Variants in COL7A1 observed in about 807,000 individuals in gnomAD.
COL7A1 encodes collagen alpha-1(VII) chain.
In COL7A1, 296 loss-of-function variants were observed where a neutral mutation model predicts 456.2. The observed-to-expected ratio is 0.65, with a 90% CI of 0.59 to 0.71. The LOEUF (loss-of-function observed/expected upper bound fraction) is 0.71. Among genes scored for constraint, COL7A1 ranks in the 30% least tolerant of loss-of-function variants. COL7A1 has a pLI of 0.00. For missense variants in COL7A1, 3,441 were observed against 4,017.2 expected (o/e 0.86, Z 3.88); for synonymous variants, 1,464 against 1,525.9 (o/e 0.96, Z 0.95).
Position 48,585,159 on chromosome 3 carries a change from A to G in COL7A1, c.3895-43T>C, listed in dbSNP as rs373808550. On this transcript the variant is annotated intron_variant, in intron 32 of 118. Coordinates refer to ENST00000681320, the MANE Select transcript of COL7A1 (RefSeq NM_000094.4). This position sits in a 1 kb window ranked among gnomAD's most constrained non-coding sequence, Gnocchi z 4.5. ...TCAGGACAGGAAGGGACCCTCCCCC[A>G]AGGCCCCTGGTTTGCTGGAGGGGCC... The G allele has an allele frequency of 8.8e-6, 14 of 1,597,636 alleles. No individual in the cohort carries two copies. In the African/African-American group the frequency reaches 1.9e-4, roughly 21 times the overall value.
chr3:48,586,748 C>G lies in COL7A1; in HGVS notation c.3277-59G>C, dbSNP rs2045294588. On this transcript the variant is annotated intron_variant, in intron 25 of 118. Coordinates refer to ENST00000681320, the MANE Select transcript of COL7A1 (RefSeq NM_000094.4). This position sits in a 1 kb window ranked among gnomAD's most constrained non-coding sequence, Gnocchi z 5.1. ...ATGACAGAGCAGGGATGGGGGTGCACAGAGCCTGGAGAAACACATCAGGGT... is the reference window on the plus strand; with the variant it reads ...ATGACAGAGCAGGGATGGGGGTGCAGAGAGCCTGGAGAAACACATCAGGGT... The G allele has an allele frequency of 6.5e-7, 1 of 1,547,316 alleles. No homozygotes were observed. The highest frequency in any genetic ancestry group is 1.4e-5 in the African/African-American group (1 of 73,146).
rs778731762 is a variant in COL7A1, at chr3:48,574,790, C to T, written c.6348+7G>A. On this transcript the variant is annotated splice_region_variant and intron_variant, in intron 77 of 118. Transcript: ENST00000681320. The surrounding 1 kb of genome is among the most constrained non-coding windows in gnomAD (Gnocchi z 5.0). ...AGGGTGGCCCCGAGCTGATTCCACA[C>T]ACTGACCTTAGCACCCTTGAGTCCA... The T allele has an allele frequency of 1.2e-6, 2 of 1,613,924 alleles. No individual in the cohort carries two copies. Among genetic ancestry groups the T allele is most frequent in the South Asian group, 1.1e-5 (1 of 91,090 alleles).
chr3:48,569,609 C>A lies in COL7A1; in HGVS notation c.7597G>T (p.Gly2533Cys). The A allele has an allele frequency of 6.2e-7, 1 of 1,613,816 alleles. No homozygotes were observed. Among genetic ancestry groups the A allele is most frequent in the Non-Finnish European group, 8.5e-7 (1 of 1,179,854 alleles). The part of the protein sequence containing the change: ...AVILGPPGPR[G>C]AKGDMGERGP... ...CCACTCACCATGTCCCCCTTGGCAC[C>A]CCGTGGGCCTGGAGGCCCCAGGATC... Residue 2533 changes from glycine (G) to cysteine (C), a missense_variant, in exon 102 of 119, where the codon GGT becomes TGT. Coordinates refer to ENST00000681320, the MANE Select transcript of COL7A1 (RefSeq NM_000094.4). This position sits in a 1 kb window ranked among gnomAD's most constrained non-coding sequence, Gnocchi z 4.9.
chr3:48,591,503 C>G lies in COL7A1; in HGVS notation c.1597G>C (p.Gly533Arg), dbSNP rs2045696390. 6.2e-7 allele frequency: 1 copy of G among 1,614,014 alleles called. No homozygotes were observed. The highest frequency in any genetic ancestry group is 1.1e-5 in the South Asian group (1 of 91,080). Residue 533 changes from glycine to arginine, a missense_variant, in exon 13 of 119, where the codon GGT becomes CGT. Gly to Arg is a moderately radical substitution (Grantham distance 125, BLOSUM62 -2). Around this residue, in one of 3 missense-constraint regions of COL7A1, gnomAD observed 913 missense variants for 1,088.2 expected, o/e 0.84. Coordinates refer to ENST00000681320, the MANE Select transcript of COL7A1 (RefSeq NM_000094.4). This position sits in a 1 kb window ranked among gnomAD's most constrained non-coding sequence, Gnocchi z 7.0. ...RVRVSWSPVP[G>R]ATQYRIIVRS... is the part of the protein sequence containing the mutation. ...ACAATGATGCGGTACTGGGTGGCACCAGGGACTGGGCTCCAGGACACTCGC... is the reference window on the plus strand; with the variant it reads ...ACAATGATGCGGTACTGGGTGGCACGAGGGACTGGGCTCCAGGACACTCGC...
In COL7A1 at chr3:48,583,361, C is replaced by T. The variant is rs2107725695; in HGVS notation, c.4437+32G>A. ...ACCATGGGGAGCCCAGAGTAGCACC[C>T]CTCACACCTGAATCCCCCAACTGGT... On this transcript the variant is annotated intron_variant, in intron 42 of 118. Coordinates refer to ENST00000681320, the MANE Select transcript of COL7A1 (RefSeq NM_000094.4). This position sits in a 1 kb window ranked among gnomAD's most constrained non-coding sequence, Gnocchi z 5.1. 2 of 1,614,000 alleles carry T rather than the reference C, an allele frequency of 1.2e-6. No individual in the cohort carries two copies. The highest frequency in any genetic ancestry group is 1.7e-6 in the Non-Finnish European group (2 of 1,179,888).
At position 48,564,454 on chromosome 3, in the gene COL7A1, C is replaced by T. The variant is rs760835228; in HGVS notation, c.8819-32G>A. On this transcript the variant is annotated intron_variant, in intron 118 of 118. Transcript: ENST00000681320. The surrounding 1 kb of genome is among the most constrained non-coding windows in gnomAD (Gnocchi z 6.0). ...AGGACAGGTTGGAAACGGTCGTCAG[C>T]CATCTGACCTTCCCCGGAGACGCTC... The T allele has an allele frequency of 4.3e-6, 7 of 1,613,564 alleles. 1 individual carries two copies. In the South Asian group the frequency reaches 7.7e-5, roughly 18 times the overall value.
At position 48,585,199 on chromosome 3, in the gene COL7A1, AG is replaced by A. The variant is rs1025102121; in HGVS notation, c.3895-84del. The A allele has an allele frequency of 5.5e-5, 76 of 1,376,492 alleles. No homozygotes were observed. The highest frequency in any genetic ancestry group is 7.7e-5 in the Non-Finnish European group (76 of 986,590). 85.3% of individuals were successfully genotyped at this position (1,376,492 alleles called of 1,614,324 possible). A position where few individuals can be genotyped will look rare whatever the true frequency, so the allele number is the denominator to read the frequency against. On this transcript the variant is annotated intron_variant, in intron 32 of 118. Transcript: ENST00000681320. This position sits in a 1 kb window ranked among gnomAD's most constrained non-coding sequence, Gnocchi z 4.5. ...CTGGAGGGGCCTCACCCCATCAACA[AG>A]GGGTCGCCTACCCCACTGACCCCCA...
rs2045073283 is a variant in COL7A1, at chr3:48,584,504, T to G, written c.4100A>C (p.Lys1367Thr). The stretch of plus-strand genomic sequence containing the variant: ...ACTTACCGATGGTCCAGGGTCCCCT[T>G]TCCGCCCAGGAAGCCCAGGTCCTTC... ...GGEGPGLPGR[K>T]GDPGPSGPPG... The change falls in exon 36 of 119, where the codon AAA becomes ACA. Residue 1367 changes from lysine to threonine, a missense_variant. This residue lies in a region of COL7A1 where 2,084 missense variants were observed against 2,501.3 expected (regional missense o/e 0.83). Transcript: ENST00000681320. 6.8e-6 allele frequency: 11 copies of G among 1,613,956 alleles called. No individual in the cohort carries two copies. The highest frequency in any genetic ancestry group is 9.3e-6 in the Non-Finnish European group (11 of 1,179,968).
In COL7A1 at chr3:48,593,742, T is replaced by C. The variant is rs754126969; in HGVS notation, c.267-46A>G. The C allele has an allele frequency of 1.9e-5, 31 of 1,613,258 alleles. No homozygotes were observed. Among genetic ancestry groups the C allele is most frequent in the Non-Finnish European group, 2.6e-5 (31 of 1,179,362 alleles). ...CAACAGGCTAGGACTCAGGATCTCT[T>C]CTGGCCCTGGCCTTGAGGAGGCCTC... On this transcript the variant is annotated intron_variant, in intron 3 of 118. Coordinates refer to ENST00000681320, the MANE Select transcript of COL7A1 (RefSeq NM_000094.4). This position sits in a 1 kb window ranked among gnomAD's most constrained non-coding sequence, Gnocchi z 4.4.
chr3:48,581,785 C>T lies in COL7A1; in HGVS notation c.4669-26G>A. On this transcript the variant is annotated intron_variant, in intron 48 of 118. Transcript: ENST00000681320. The surrounding 1 kb of genome is among the most constrained non-coding windows in gnomAD (Gnocchi z 5.8). The stretch of plus-strand genomic sequence containing the variant: ...CTGGAGGTGACAAAGACCATCAGTG[C>T]TAGTCCCAGGCTCCAGTTAACCCCC... 1 of 1,614,058 alleles carries T rather than the reference C, an allele frequency of 6.2e-7. No individual in the cohort carries two copies. The highest frequency in any genetic ancestry group is 2.2e-5 in the East Asian group (1 of 44,882).
In COL7A1 at chr3:48,576,979, TG is replaced by T; in HGVS notation, c.5568+12del. 6.2e-7 allele frequency: 1 copy of T among 1,613,898 alleles called. No individual in the cohort carries two copies. Among genetic ancestry groups the T allele is most frequent in the East Asian group, 2.2e-5 (1 of 44,880 alleles). On this transcript the variant is annotated intron_variant, in intron 66 of 118. Transcript: ENST00000681320. ...AAGCAGAGACCAGAGAGACCCCAGG[TG>T]GGGGACTTTACCTTCCTCCCGTCTT... is the stretch of plus-strand genomic sequence containing the variant.
rs1271181661 is a variant in COL7A1, at chr3:48,583,186, TGA to T, written c.4438-17_4438-16del. ...CCCCGGTCACCCTGAAGAGAGAGGG[TGA>T]GAGAAAGACAGAGAGAGAGAGGGTT... is the stretch of plus-strand genomic sequence containing the variant. On this transcript the variant is annotated splice_polypyrimidine_tract_variant and intron_variant, in intron 42 of 118. Transcript: ENST00000681320. This position sits in a 1 kb window ranked among gnomAD's most constrained non-coding sequence, Gnocchi z 5.1. 6.2e-7 allele frequency: 1 copy of T among 1,613,166 alleles called. No individual in the cohort carries two copies. Among genetic ancestry groups the T allele is most frequent in the South Asian group, 1.1e-5 (1 of 91,058 alleles).
chr3:48,594,405 CA>C lies in COL7A1; in HGVS notation c.228del (p.Val77CysfsTer27). The C allele has an allele frequency of 6.2e-7, 1 of 1,611,722 alleles. No individual in the cohort carries two copies. Among genetic ancestry groups the C allele is most frequent in the Non-Finnish European group, 8.5e-7 (1 of 1,180,028 alleles). On this transcript the variant is annotated frameshift_variant, in exon 3 of 119. Coordinates refer to ENST00000681320, the MANE Select transcript of COL7A1 (RefSeq NM_000094.4). LOFTEE classifies it high-confidence loss of function. The surrounding 1 kb of genome is among the most constrained non-coding windows in gnomAD (Gnocchi z 5.5). ...LPFSGAASAQ[G>X]VRFATVQYSD... is the part of the protein sequence containing the mutation. ...CTGTACTGCACTGTGGCAAAGCGCACACCCTGTGCACTGGCTGCTCCAGAGA... is the reference window on the plus strand; with the variant it reads ...CTGTACTGCACTGTGGCAAAGCGCACCCCTGTGCACTGGCTGCTCCAGAGA...
At position 48,564,940 on chromosome 3, in the gene COL7A1, G is replaced by A. The variant is rs373940098; in HGVS notation, c.8661C>T (p.Ala2887=). Residue 2887 remains alanine (A), a synonymous_variant, in exon 118 of 119, where the codon GCC becomes GCT. Coordinates refer to ENST00000681320, the MANE Select transcript of COL7A1 (RefSeq NM_000094.4). This position sits in a 1 kb window ranked among gnomAD's most constrained non-coding sequence, Gnocchi z 6.0. ...CCCGATGGTACCAGCGCAGGGTGTA[G>A]GCAGTGCAGGAGCCCTCATCCAGTG... ...SLPLDEGSCT[A]YTLRWYHRAV... 8.5e-5 allele frequency: 138 copies of A among 1,614,084 alleles called. No homozygotes were observed. The highest frequency in any genetic ancestry group is 1.1e-4 in the Non-Finnish European group (135 of 1,180,034).
chr3:48,580,188 G>A lies in COL7A1; in HGVS notation c.5097+112C>T, dbSNP rs2044642267. Reference sequence around the variant, plus strand: ...ATGCCAGCCCCCAGCAGGCATGGGTGGCCATCCATGCTTCCCACCTGGACC... The same window carrying A: ...ATGCCAGCCCCCAGCAGGCATGGGTAGCCATCCATGCTTCCCACCTGGACC... On this transcript the variant is annotated intron_variant, in intron 56 of 118. Transcript: ENST00000681320. This position sits in a 1 kb window ranked among gnomAD's most constrained non-coding sequence, Gnocchi z 4.5. 2.0e-6 allele frequency: 3 copies of A among 1,530,100 alleles called. No individual in the cohort carries two copies. Among genetic ancestry groups the A allele is most frequent in the Non-Finnish European group, 2.7e-6 (3 of 1,117,312 alleles). 94.8% of individuals were successfully genotyped at this position (1,530,100 alleles called of 1,614,324 possible). A position where few individuals can be genotyped will look rare whatever the true frequency, so the allele number is the denominator to read the frequency against.
Position 48,586,062 on chromosome 3 carries a change from C to T in COL7A1, c.3723+12G>A. 6.2e-7 allele frequency: 1 copy of T among 1,613,562 alleles called. No individual in the cohort carries two copies. Among genetic ancestry groups the T allele is most frequent in the Non-Finnish European group, 8.5e-7 (1 of 1,180,032 alleles). On this transcript the variant is annotated intron_variant, in intron 28 of 118. Transcript: ENST00000681320. This position sits in a 1 kb window ranked among gnomAD's most constrained non-coding sequence, Gnocchi z 5.1. The stretch of plus-strand genomic sequence containing the variant: ...ATTCTACCACCCAGTCCCCCAGAGG[C>T]CTCTTCCAAACCTGAGTAGTGAAGG...
At chr3:48,584,165 G>A (rs1411732761) in intron 37 of COL7A1, 104 bp from the exon 38 acceptor site, 1 of 1,593,454 alleles carries the variant, frequency 6.3e-7, no homozygotes, top group Non-Finnish European at 8.6e-7. Context: ...AAGGATTTTG[G>A]GAGAACTGAG....
chr3:48,588,492 C>A lies in COL7A1; in HGVS notation c.2588-88G>T. 6.3e-7 allele frequency: 1 copy of A among 1,595,966 alleles called. No homozygotes were observed. Among genetic ancestry groups the A allele is most frequent in the South Asian group, 1.1e-5 (1 of 90,320 alleles). Reference sequence around the variant, plus strand: ...CCCACCCTGGCACACGCACCCCGCCCAGCCTCTCAGACCCCTCTCCCTCCT... The same window carrying A: ...CCCACCCTGGCACACGCACCCCGCCAAGCCTCTCAGACCCCTCTCCCTCCT... On this transcript the variant is annotated intron_variant, in intron 20 of 118. Transcript: ENST00000681320. This position sits in a 1 kb window ranked among gnomAD's most constrained non-coding sequence, Gnocchi z 4.6.
Position 48,593,058 on chromosome 3 carries a change from G to T in COL7A1, c.682+44C>A. On this transcript the variant is annotated intron_variant, in intron 6 of 118. Coordinates refer to ENST00000681320, the MANE Select transcript of COL7A1 (RefSeq NM_000094.4). This position sits in a 1 kb window ranked among gnomAD's most constrained non-coding sequence, Gnocchi z 4.4. Reference sequence around the variant, plus strand: ...TCAGCACTGCCAAGTGGGGATTGGGGTCCGGGGTCTAGGTCAGGGTACACC... The same window carrying T: ...TCAGCACTGCCAAGTGGGGATTGGGTTCCGGGGTCTAGGTCAGGGTACACC... 1 of 1,613,926 alleles carries T rather than the reference G, an allele frequency of 6.2e-7. No individual in the cohort carries two copies. Among genetic ancestry groups the T allele is most frequent in the East Asian group, 2.2e-5 (1 of 44,880 alleles).
Sources: gnomAD v4.1 joint callset for allele counts on GRCh38, gnomAD v4.1.1 for gene constraint, gnomAD v4.1.1 regional missense constraint, Gnocchi (gnomAD v3.1) non-coding constraint, MANE v1.5 for transcripts, NCBI Gene and HGNC (gene_info 2026-07-23, HGNC 2026-07-21) for gene names.